Variants in SLC24A2 observed in about 807,000 individuals in gnomAD.
SLC24A2 encodes the protein sodium/potassium/calcium exchanger 2.
A neutral mutation model predicts 62.0 loss-of-function variants in SLC24A2; 36 were observed. The observed-to-expected ratio is 0.58, with a 90% confidence interval of 0.44 to 0.77. SLC24A2 has a LOEUF of 0.77. Ranked by LOEUF, SLC24A2 falls within the 30% of genes least tolerant of loss-of-function variation. SLC24A2 has a pLI of 0.00. For synonymous variants in SLC24A2, 358 were observed against 294.0 expected, an observed-to-expected ratio of 1.22 and a Z score of -2.23; for missense variants, 846 against 817.9, an observed-to-expected ratio of 1.03 and a Z score of -0.42.
chr9:19,805,729 G>C, the SLC24A2 span, among the ~76,000 whole-genome samples: 6 of 150,040 alleles, frequency 4.0e-5, no homozygotes, highest in African/African-American at 4.9e-5. Context: ...GATTTCAAAG[G>C]CATCTAGGGA....
intron 7 of SLC24A2, among the ~76,000 whole-genome samples, chr9:19,559,546 G>C (rs1183823269): frequency 1.3e-5 from 2 of 152,118 alleles, no homozygotes; most frequent in Non-Finnish European, 1.5e-5. Context: ...GTTTTGTGCA[G>C]AGCTGAAAAC....
chr9:20,157,234 C>T, the SLC24A2 span, among the ~76,000 whole-genome samples: 2 of 151,362 alleles, frequency 1.3e-5, no homozygotes, highest in Non-Finnish European at 3.0e-5. Flanking sequence ...AATCTCCCTA[C>T]AAACTGGAGG....
At chr9:20,135,033 T>G in the SLC24A2 span, among the ~76,000 whole-genome samples, 2 of 152,186 alleles carry the variant, frequency 1.3e-5, no homozygotes, top group South Asian at 4.1e-4. Context: ...ATTTATTCAA[T>G]AATTTATTAA....
intron 4 of SLC24A2, among the ~76,000 whole-genome samples, chr9:19,618,968 T>C (rs1789055563): frequency 6.6e-6 from 1 of 152,216 alleles, no homozygotes; most frequent in Non-Finnish European, 1.5e-5. Context: ...TACACAATAA[T>C]GGGTTGTTTG....
At chr9:20,030,446 T>C in the SLC24A2 span, among the ~76,000 whole-genome samples, 709 of 152,132 alleles carry the variant, frequency 4.7e-3, 10 homozygotes, top group African/African-American at 0.016. Context: ...GAAAGTGCAA[T>C]TGCACCACAC....
intron 2 of SLC24A2, among the ~76,000 whole-genome samples, chr9:19,624,492 C>T (rs766341088): frequency 5.9e-5 from 9 of 152,118 alleles, no homozygotes; most frequent in African/African-American, 9.7e-5. Context: ...TCTACTCTAT[C>T]GACTTCCTTT....
the SLC24A2 span, among the ~76,000 whole-genome samples, chr9:20,059,280 T>A: frequency 6.6e-6 from 1 of 152,100 alleles, no homozygotes; most frequent in Admixed American, 6.6e-5. Context: ...ATAACTTGAA[T>A]AACAGTATAA....
Position 19,516,114 on chromosome 9 carries a change from G to T in SLC24A2, c.*39C>A. 1 of 1,613,146 alleles carries T rather than the reference G, an allele frequency of 6.2e-7. No individual in the cohort carries two copies. Among genetic ancestry groups the T allele is most frequent in the South Asian group, 1.1e-5 (1 of 90,784 alleles). On this transcript the variant is annotated 3_prime_UTR_variant, in exon 11 of 11. Coordinates refer to ENST00000341998, the MANE Select transcript of SLC24A2 (RefSeq NM_020344.4). ...GAGCCCAGAGCCCAGAGTGTGGAGG[G>T]ACCATTCATGCTGCTGGTGCAAGAT...
At chr9:20,120,182 G>GA in the SLC24A2 span, among the ~76,000 whole-genome samples, 1 of 151,976 alleles carries the variant, frequency 6.6e-6, no homozygotes, top group Non-Finnish European at 1.5e-5. Context: ...CCACTGTTTT[G>GA]AAAAATAGAT....
the SLC24A2 span, among the ~76,000 whole-genome samples, chr9:20,029,393 T>G: frequency 6.6e-6 from 1 of 152,318 alleles, no homozygotes; most frequent in Non-Finnish European, 1.5e-5. Context: ...GCAAGGTGAA[T>G]TGCTTTACTT....
chr9:19,564,203 T>C (rs1835554416), intron 7 of SLC24A2, among the ~76,000 whole-genome samples: 1 of 147,592 alleles, frequency 6.8e-6, no homozygotes, highest in African/African-American at 2.5e-5. Flanking sequence ...AATTTAATAG[T>C]AGGAAGATAT....
intron 2 of SLC24A2, among the ~76,000 whole-genome samples, chr9:19,762,162 T>G (rs1449491214): frequency 6.6e-6 from 1 of 152,176 alleles, no homozygotes; most frequent in Non-Finnish European, 1.5e-5. Flanking sequence ...TGGGGTTGTT[T>G]TTTTCTTGTA....
chr9:19,740,890 A>G (rs996368101), intron 2 of SLC24A2, among the ~76,000 whole-genome samples: 2 of 150,058 alleles, frequency 1.3e-5, no homozygotes, highest in African/African-American at 4.9e-5. Context: ...AAAAAGAGAG[A>G]GAGAAAACTA....
the SLC24A2 span, among the ~76,000 whole-genome samples, chr9:20,200,974 T>G: frequency 6.6e-6 from 1 of 152,132 alleles, no homozygotes; most frequent in Non-Finnish European, 1.5e-5. Flanking sequence ...ACCCTGCAAA[T>G]CACAAAATAC....
chr9:19,930,934 A>G, the SLC24A2 span, among the ~76,000 whole-genome samples: 1 of 152,220 alleles, frequency 6.6e-6, no homozygotes, highest in Non-Finnish European at 1.5e-5. Flanking sequence ...GCATCCCACA[A>G]TTGGTCAAGC....
At chr9:19,939,804 A>G in the SLC24A2 span, among the ~76,000 whole-genome samples, 1 of 152,228 alleles carries the variant, frequency 6.6e-6, no homozygotes, top group South Asian at 2.1e-4. Flanking sequence ...CGTGACTATA[A>G]TGCTGTAGGT....
chr9:19,799,953 G>C, the SLC24A2 span, among the ~76,000 whole-genome samples: 2 of 152,172 alleles, frequency 1.3e-5, no homozygotes, highest in African/African-American at 2.4e-5. Flanking sequence ...AGGCTCCAGG[G>C]GAGAATCCTT....
At chr9:19,703,234 C>A (rs1463365257) in intron 2 of SLC24A2, among the ~76,000 whole-genome samples, 2 of 152,174 alleles carry the variant, frequency 1.3e-5, no homozygotes, top group Non-Finnish European at 2.9e-5. Context: ...AGTGCAGATA[C>A]TGTATCCATT....
chr9:19,640,874 G>C (rs868047644), intron 2 of SLC24A2, among the ~76,000 whole-genome samples: 2 of 152,178 alleles, frequency 1.3e-5, no homozygotes, highest in Middle Eastern at 3.2e-3. Context: ...TTTTGTGCCT[G>C]AGTGCCATCC....
Sources: allele counts gnomAD v4.1 joint callset (sites outside exome capture counted in the v4.1 genomes callset), GRCh38; gene constraint gnomAD v4.1.1; transcripts MANE v1.5; gene names NCBI Gene and HGNC (gene_info 2026-07-23, HGNC 2026-07-21).